The following NEMP2 variants were observed in gnomAD, a reference collection of about 807,000 sequenced individuals.
The protein encoded by NEMP2 is UPF0571 transmembrane protein.
NEMP2 carries 53 observed loss-of-function variants against 54.2 expected under a neutral mutation model. The observed-to-expected ratio is 0.98, with a 90% CI of 0.78 to 1.23. The LOEUF is 1.23. Among genes scored for constraint, NEMP2 ranks in the 50% most tolerant of loss-of-function variants. The pLI is 0.00. For synonymous variants in NEMP2, 197 were observed against 190.3 expected (o/e 1.04, Z -0.29); for missense variants, 455 against 511.3 (o/e 0.89, Z 1.06).
the NEMP2 span, among the ~76,000 whole-genome samples, chr2:190,576,679 T>A: frequency 4.7e-4 from 71 of 152,214 alleles, no homozygotes; most frequent in African/African-American, 1.7e-3. Flanking sequence ...GCTGACTTGT[T>A]TCGTATGTGT....
chr2:190,605,423 G>A, the NEMP2 span, among the ~76,000 whole-genome samples: 1 of 151,800 alleles, frequency 6.6e-6, no homozygotes, highest in African/African-American at 2.4e-5. Flanking sequence ...CACCTGGGCT[G>A]GAGTGCAGTG....
rs1409527533 is a variant in NEMP2, at chr2:190,520,924, T to C, written c.214-1741A>G. On this transcript the variant is annotated intron_variant, in intron 2 of 8. Transcript: ENST00000409150. The surrounding 1 kb of genome is among the most constrained non-coding windows in gnomAD (Gnocchi z 5.4). ...TCTCTTTTTAGCCACCTAAACTCCA[T>C]GATCAATTATTATACACCATTCCCT... 6.6e-6 allele frequency among the ~76,000 whole-genome samples: 1 copy of C among 152,168 alleles called. No individual in the cohort carries two copies. Among genetic ancestry groups the C allele is most frequent in the Non-Finnish European group, 1.5e-5 (1 of 68,030 alleles).
chr2:190,506,477 TA>T lies in NEMP2; in HGVS notation c.*2711del, dbSNP rs1415628949. ...ATTCCTCCACATATTTAGATATTTT[TA>T]TGTAATCCATCATCTATTCCAAACC... On this transcript the variant is annotated 3_prime_UTR_variant, in exon 9 of 9. Transcript: ENST00000409150. This position sits in a 1 kb window ranked among gnomAD's most constrained non-coding sequence, Gnocchi z 6.3. 1 of 152,256 alleles carries T rather than the reference TA, an allele frequency of 6.6e-6. No individual in the cohort carries two copies. The highest frequency in any genetic ancestry group is 2.4e-5 in the African/African-American group (1 of 41,476). 9.4% of individuals were successfully genotyped at this position (152,256 alleles called of 1,614,324 possible).
the NEMP2 span, among the ~76,000 whole-genome samples, chr2:190,451,256 G>A: frequency 6.6e-6 from 1 of 152,158 alleles, no homozygotes; most frequent in Non-Finnish European, 1.5e-5. This position sits in a 1 kb window ranked among gnomAD's most constrained non-coding sequence, Gnocchi z 5.0. Context: ...TTAAGCCTCA[G>A]GTTCCTCATT....
chr2:190,481,039 T>C, the NEMP2 span, among the ~76,000 whole-genome samples: 1 of 152,228 alleles, frequency 6.6e-6, no homozygotes, highest in Non-Finnish European at 1.5e-5. Context: ...ACACTATTAA[T>C]AAAGTTATCT....
At chr2:190,598,526 C>T in the NEMP2 span, among the ~76,000 whole-genome samples, 12 of 152,206 alleles carry the variant, frequency 7.9e-5, no homozygotes, top group African/African-American at 2.4e-4. Flanking sequence ...TAACTTGTGG[C>T]GCTGCCAGCC....
chr2:190,440,795 T>C, the NEMP2 span, among the ~76,000 whole-genome samples: 1 of 152,350 alleles, frequency 6.6e-6, no homozygotes, highest in Non-Finnish European at 1.5e-5. Flanking sequence ...AGCCATCAAT[T>C]ACTACTTAAT....
chr2:190,446,568 T>C, the NEMP2 span, among the ~76,000 whole-genome samples: 1 of 152,188 alleles, frequency 6.6e-6, no homozygotes, highest in African/African-American at 2.4e-5. Context: ...GGCAGTGTCA[T>C]GAAGTTTTTA....
At chr2:190,643,747 T>G in the NEMP2 span, among the ~76,000 whole-genome samples, 2 of 152,054 alleles carry the variant, frequency 1.3e-5, no homozygotes, top group Admixed American at 1.3e-4. Flanking sequence ...GCCAACATGG[T>G]GAAATCCTGT....
At chr2:190,427,756 A>T in the NEMP2 span, among the ~76,000 whole-genome samples, 1 of 150,424 alleles carries the variant, frequency 6.6e-6, no homozygotes, top group Non-Finnish European at 1.5e-5. Context: ...TTTGAGACAG[A>T]GTTTCACTCT....
the NEMP2 span, among the ~76,000 whole-genome samples, chr2:190,483,358 C>T: frequency 6.6e-6 from 1 of 152,182 alleles, no homozygotes; most frequent in Non-Finnish European, 1.5e-5. Context: ...ACCTTGGGTT[C>T]AAATCCTATT....
At chr2:190,545,060 C>T in the NEMP2 span, among the ~76,000 whole-genome samples, 6 of 151,938 alleles carry the variant, frequency 3.9e-5, no homozygotes, top group African/African-American at 1.5e-4. Flanking sequence ...ATGATTACGC[C>T]ACTGCATTCC....
chr2:190,433,349 G>A, the NEMP2 span: 6 of 152,164 alleles, frequency 3.9e-5, no homozygotes, highest in South Asian at 2.1e-4. This position sits in a 1 kb window ranked among gnomAD's most constrained non-coding sequence, Gnocchi z 4.5. Flanking sequence ...AATTGGAGCC[G>A]CTGAGCTGGA....
At chr2:190,603,589 C>CA in the NEMP2 span, among the ~76,000 whole-genome samples, 1 of 145,772 alleles carries the variant, frequency 6.9e-6, no homozygotes, top group Non-Finnish European at 1.5e-5. Flanking sequence ...ATCTAGTATG[C>CA]AATGCATCAG....
At position 190,514,753 on chromosome 2, in the gene NEMP2, A is replaced by G. The variant is rs1428140106; in HGVS notation, c.728-75T>C. On this transcript the variant is annotated intron_variant, in intron 6 of 8. Transcript: ENST00000409150. The surrounding 1 kb of genome is among the most constrained non-coding windows in gnomAD (Gnocchi z 5.7). ...ATGTGAAAAACCTGGCAGAGCCTTG[A>G]CTTAAAGGTAAAAACTATTAGAGAA... 8.0e-6 allele frequency: 11 copies of G among 1,382,856 alleles called. No individual in the cohort carries two copies. The highest frequency in any genetic ancestry group is 1.5e-5 in the African/African-American group (1 of 68,904). The allele number at this position is 1,382,856 out of a possible 1,614,324, so 85.7% of individuals were successfully genotyped here.
Position 190,519,996 on chromosome 2 carries a change from A to C in NEMP2, c.214-813T>G, listed in dbSNP as rs931757188. On this transcript the variant is annotated intron_variant, in intron 2 of 8. Transcript: ENST00000409150. This position sits in a 1 kb window ranked among gnomAD's most constrained non-coding sequence, Gnocchi z 5.4. ...AGGTATGTAGGGTTTTTTTAAAGAT[A>C]TAATTCTATTGCACCCTTAATAGAC... is the stretch of plus-strand genomic sequence containing the variant. 2.0e-5 allele frequency among the ~76,000 whole-genome samples: 3 copies of C among 151,682 alleles called. No homozygotes were observed. The highest frequency in any genetic ancestry group is 7.2e-5 in the African/African-American group (3 of 41,402).
chr2:190,435,330 G>A, the NEMP2 span: 1 of 152,246 alleles, frequency 6.6e-6, no homozygotes, highest in Admixed American at 6.5e-5. Context: ...TGCTAAATAA[G>A]TATTATCTGC....
At chr2:190,563,061 G>A in the NEMP2 span, among the ~76,000 whole-genome samples, 1 of 152,168 alleles carries the variant, frequency 6.6e-6, no homozygotes, top group East Asian at 1.9e-4. The surrounding 1 kb of genome is among the most constrained non-coding windows in gnomAD (Gnocchi z 4.3). Context: ...CTGTATGATA[G>A]CATTATCAGC....
the NEMP2 span, among the ~76,000 whole-genome samples, chr2:190,489,472 A>C: frequency 1.3e-5 from 2 of 152,226 alleles, no homozygotes; most frequent in African/African-American, 4.8e-5. This position sits in a 1 kb window ranked among gnomAD's most constrained non-coding sequence, Gnocchi z 6.6. Context: ...GTCTTTTCAT[A>C]TGAAGAGGAG....
Sources: gnomAD v4.1 joint callset for allele counts (sites outside exome capture counted in the v4.1 genomes callset) on GRCh38, gnomAD v4.1.1 for gene constraint, Gnocchi (gnomAD v3.1) non-coding constraint, MANE v1.5 for transcripts, NCBI Gene and HGNC (gene_info 2026-07-23, HGNC 2026-07-21) for gene names.